Variants in FMNL2 observed in about 807,000 individuals in gnomAD.
FMNL2 encodes formin-like protein 2.
In FMNL2, 51 loss-of-function variants were observed where a neutral mutation model predicts 130.2. That is an observed-to-expected ratio of 0.39 (90% confidence interval 0.31 to 0.49). The LOEUF is 0.49. Ranked by LOEUF, FMNL2 falls within the 20% of genes least tolerant of loss-of-function variation. The pLI, the probability that FMNL2 is intolerant of heterozygous loss-of-function variation, is 0.85. For missense variants in FMNL2, 977 were observed against 1,316.2 expected (o/e 0.74, Z 3.99); for synonymous variants, 465 against 467.1 (o/e 1.00, Z 0.06).
chr2:152,439,842 C>T (rs530461367), intron 1 of FMNL2, among the ~76,000 whole-genome samples: 28 of 148,786 alleles, frequency 1.9e-4, no homozygotes, highest in Middle Eastern at 6.8e-3. Flanking sequence ...AGCATTTACC[C>T]GTTTTATGAA....
chr2:152,575,081 C>A, intron 6 of FMNL2, 55 bp from the exon 7 acceptor site: 1 of 1,061,848 alleles, frequency 9.4e-7, no homozygotes, highest in South Asian at 1.4e-5. Flanking sequence ...AGTGCATGTG[C>A]CTATGCTAAG....
rs772662268 is a variant in FMNL2 at position 152,335,639 on chromosome 2, C to G, written c.36C>G (p.Thr12=). 1 of 1,593,628 alleles carries G rather than the reference C, an allele frequency of 6.3e-7. No homozygotes were observed. Among genetic ancestry groups the G allele is most frequent in the Non-Finnish European group, 8.5e-7 (1 of 1,169,954 alleles). Residue 12 remains threonine, a synonymous_variant, in exon 1 of 26, where the codon ACC becomes ACG. Coordinates refer to ENST00000288670, the MANE Select transcript of FMNL2 (RefSeq NM_052905.4). ...GNAGSMDSQQ[T]DFRAHNVPLK... is the part of the protein sequence containing the mutation. ...CAGGGAGCATGGATTCGCAGCAGAC[C>G]GATTTCAGGGCGCACAACGTGCCTT...
chr2:152,646,159 A>AAG (rs1683534984), intron 25 of FMNL2, among the ~76,000 whole-genome samples: 1 of 127,056 alleles, frequency 7.9e-6, no homozygotes, highest in Non-Finnish European at 1.9e-5. Flanking sequence ...CATCTCTACA[A>AAG]AAAAAAAAAA....
At chr2:152,625,692 AT>A in intron 16 of FMNL2, 130 bp downstream of exon 16, 1 of 1,055,738 alleles carries the variant, frequency 9.5e-7, no homozygotes, top group Non-Finnish European at 1.3e-6. Flanking sequence ...AAGAAGAAAC[AT>A]GTATGTAATA....
chr2:152,440,374 A>G (rs1391636939), intron 1 of FMNL2, among the ~76,000 whole-genome samples: 1 of 152,228 alleles, frequency 6.6e-6, no homozygotes, highest in African/African-American at 2.4e-5. Context: ...TTATGCTTGC[A>G]AAAAACCAAA....
chr2:152,641,770 A>G (rs1683103291), intron 25 of FMNL2, among the ~76,000 whole-genome samples: 1 of 152,214 alleles, frequency 6.6e-6, no homozygotes, highest in South Asian at 2.1e-4. Flanking sequence ...TCACTTGGAA[A>G]TATTTCAGTA....
At chr2:152,573,842 G>A (rs760838622) in intron 6 of FMNL2, among the ~76,000 whole-genome samples, 74 of 151,914 alleles carry the variant, frequency 4.9e-4, no homozygotes, top group Non-Finnish European at 9.1e-4. Flanking sequence ...TATATATTGC[G>A]TATTTTCTAA....
Position 152,645,384 on chromosome 2 carries a change from T to A in FMNL2, c.3170-2412T>A, listed in dbSNP as rs538645152. Reference sequence around the variant, plus strand: ...TAAGTTGAGTTGCTTTCCATTTTCATCCCATTTTTTCTTAACCATCATTTT... The same window carrying A: ...TAAGTTGAGTTGCTTTCCATTTTCAACCCATTTTTTCTTAACCATCATTTT... On this transcript the variant is annotated intron_variant, in intron 25 of 25. Coordinates refer to ENST00000288670, the MANE Select transcript of FMNL2 (RefSeq NM_052905.4). 9 of 1,088,728 alleles carry A rather than the reference T, an allele frequency of 8.3e-6. No individual in the cohort carries two copies. In the East Asian group the frequency reaches 5.3e-4, roughly 64 times the overall value. The allele number at this position is 1,088,728 out of a possible 1,614,324, so 67.4% of individuals were successfully genotyped here. A position where few individuals can be genotyped will look rare whatever the true frequency, so the allele number is the denominator to read the frequency against.
intron 1 of FMNL2, among the ~76,000 whole-genome samples, chr2:152,364,255 T>TTG (rs1438694575): frequency 1.4e-3 from 80 of 57,932 alleles, no homozygotes; most frequent in African/African-American, 3.3e-3. Context: ...GTTAGGAGGT[T>TTG]TGTGTGTTTT....
intron 1 of FMNL2, among the ~76,000 whole-genome samples, chr2:152,338,662 T>A (rs1281657381): frequency 6.6e-6 from 1 of 152,178 alleles, no homozygotes; most frequent in East Asian, 1.9e-4. Context: ...TGGATCCCAG[T>A]GTTAGGAGTT....
intron 12 of FMNL2, among the ~76,000 whole-genome samples, chr2:152,616,871 CAT>C (rs1451144404): frequency 3.3e-5 from 5 of 152,168 alleles, no homozygotes; most frequent in South Asian, 4.1e-4. Flanking sequence ...AAGGAGCAGA[CAT>C]GTGGGTCTTA....
intron 1 of FMNL2, among the ~76,000 whole-genome samples, chr2:152,345,053 G>T (rs1418998209): frequency 6.6e-6 from 1 of 152,082 alleles, no homozygotes; most frequent in Non-Finnish European, 1.5e-5. Context: ...TGTGGTTTGG[G>T]GTTTGAGGAC....
In FMNL2 at chr2:152,607,507, A is replaced by ACACACACG. The variant is rs1491371455; in HGVS notation, c.951+94_951+95insCACACACG. 3.8e-5 allele frequency: 30 copies of ACACACACG among 799,470 alleles called. No homozygotes were observed. The African/African-American group carries it at 5.0e-4, about 13-fold the overall frequency. 49.5% of individuals were successfully genotyped at this position (799,470 alleles called of 1,614,324 possible). A position where few individuals can be genotyped will look rare whatever the true frequency, so the allele number is the denominator to read the frequency against. ...CACACACACACACACACACACACAC[A>ACACACACG]TATTTATATTACAAAGGACAGGGAA... On this transcript the variant is annotated intron_variant, in intron 10 of 25. Coordinates refer to ENST00000288670, the MANE Select transcript of FMNL2 (RefSeq NM_052905.4).
chr2:152,438,494 G>A (rs1403868175), intron 1 of FMNL2, among the ~76,000 whole-genome samples: 1 of 152,206 alleles, frequency 6.6e-6, no homozygotes, highest in African/African-American at 2.4e-5. Flanking sequence ...GTGTTGTTAC[G>A]TCTTCAGACT....
At chr2:152,481,793 T>TA (rs1690542719) in intron 1 of FMNL2, among the ~76,000 whole-genome samples, 1 of 152,238 alleles carries the variant, frequency 6.6e-6, no homozygotes, top group Non-Finnish European at 1.5e-5. Context: ...CAGCGTTATT[T>TA]ATCTCCTATT....
rs574724213 is a variant in FMNL2, at chr2:152,338,309, G to A, written c.117+2589G>A. ...TGTCTAAGCACCTCATTGTAAGTAT[G>A]GCTAACATCAATAATTAACAGACTG... is the stretch of plus-strand genomic sequence containing the variant. On this transcript the variant is annotated intron_variant, in intron 1 of 25. Transcript: ENST00000288670. 9.9e-5 allele frequency among the ~76,000 whole-genome samples: 15 copies of A among 152,236 alleles called. No homozygotes were observed. In the South Asian group the frequency reaches 2.9e-3, roughly 29 times the overall value.
In FMNL2 at chr2:152,481,309, T is replaced by A. The variant is rs1273028537; in HGVS notation, c.118-40634T>A. On this transcript the variant is annotated intron_variant, in intron 1 of 25. Transcript: ENST00000288670. The stretch of plus-strand genomic sequence containing the variant: ...TTGAAACTATCCAGTTTGTGTGATG[T>A]CTTCCTAAAATACACTTAACTGATT... Among the ~76,000 whole-genome samples the A allele has an allele frequency of 5.2e-5, 8 of 152,382 alleles. No homozygotes were observed. In the East Asian group the frequency reaches 1.5e-3, roughly 29 times the overall value.
intron 15 of FMNL2, among the ~76,000 whole-genome samples, chr2:152,621,859 A>G (rs1225674400): frequency 2.0e-5 from 3 of 152,174 alleles, no homozygotes; most frequent in Admixed American, 2.0e-4. Context: ...GAGCTGAGCT[A>G]ATATTCTGAA....
intron 2 of FMNL2, among the ~76,000 whole-genome samples, chr2:152,531,121 T>C (rs962951690): frequency 4.6e-5 from 7 of 152,296 alleles, no homozygotes; most frequent in Non-Finnish European, 7.4e-5. Context: ...TCACAATCAA[T>C]TGGACCACAG....
Sources: allele counts gnomAD v4.1 joint callset (sites outside exome capture counted in the v4.1 genomes callset), GRCh38; gene constraint gnomAD v4.1.1; transcripts MANE v1.5; gene names NCBI Gene and HGNC (gene_info 2026-07-23, HGNC 2026-07-21).